Variants in MS4A13 observed in about 807,000 individuals in gnomAD.
MS4A13 encodes the protein membrane-spanning 4-domains subfamily A member 13.
Under a neutral mutation model 18.4 loss-of-function variants are expected in MS4A13, and 21 were observed. The ratio of observed to expected loss-of-function variants is 1.14; its 90% CI spans 0.81 to 1.64. The LOEUF (loss-of-function observed/expected upper bound fraction) is 1.64, where lower values mean the gene tolerates loss of function less well. MS4A13 is among the 40% of genes most tolerant of loss of function. The probability of loss-of-function intolerance (pLI) is 0.00; values close to 1 mark genes in which losing one functional copy is unlikely to be tolerated. For missense variants in MS4A13, 173 were observed against 176.8 expected (o/e 0.98, Z 0.12); for synonymous variants, 62 against 57.2 (o/e 1.08, Z -0.38).
chr11:60,520,264 G>T (rs2086664936), intron 3 of MS4A13, among the ~76,000 whole-genome samples: 1 of 151,990 alleles, frequency 6.6e-6, no homozygotes, highest in Admixed American at 6.5e-5. Flanking sequence ...TCTGCCCCTG[G>T]CCCCTCCTAA....
At chr11:60,532,410 C>T (rs537322601) in intron 6 of MS4A13, among the ~76,000 whole-genome samples, 101 of 152,158 alleles carry the variant, frequency 6.6e-4, no homozygotes, top group Non-Finnish European at 1.2e-3. Flanking sequence ...AAAGGGGTGA[C>T]GGACGCACCT....
chr11:60,529,945 T>G (rs2086752321), intron 6 of MS4A13, among the ~76,000 whole-genome samples: 1 of 152,226 alleles, frequency 6.6e-6, no homozygotes, highest in Non-Finnish European at 1.5e-5. Flanking sequence ...TTTTTCTAAA[T>G]TATAAACAAT....
chr11:60,541,007 A>G (rs2086853541), intron 6 of MS4A13, among the ~76,000 whole-genome samples: 2 of 152,196 alleles, frequency 1.3e-5, no homozygotes, highest in Non-Finnish European at 2.9e-5. Context: ...CGTGTATAAA[A>G]CAAATAATAA....
At chr11:60,524,018 A>G (rs1455859745) in intron 4 of MS4A13, 65 bp downstream of exon 4, 2 of 989,340 alleles carry the variant, frequency 2.0e-6, no homozygotes, top group African/African-American at 1.6e-5. Flanking sequence ...TTAAGTTTTA[A>G]TGAAAATATA....
At chr11:60,523,486 A>C (rs769544951) in intron 3 of MS4A13, among the ~76,000 whole-genome samples, 3 of 152,216 alleles carry the variant, frequency 2.0e-5, no homozygotes, top group Non-Finnish European at 4.4e-5. Flanking sequence ...TAGATTCTTG[A>C]ACCACTTTTT....
At chr11:60,518,022 T>A in intron 2 of MS4A13, 50 bp from the exon 3 acceptor site, 9 of 1,399,222 alleles carry the variant, frequency 6.4e-6, no homozygotes, top group Non-Finnish European at 8.8e-6. Flanking sequence ...TTATTGGAAT[T>A]GTGTTTTAAA....
chr11:60,543,134 C>T (rs1351695780), downstream of MS4A13, among the ~76,000 whole-genome samples: 5 of 152,118 alleles, frequency 3.3e-5, no homozygotes, highest in Non-Finnish European at 5.9e-5. Flanking sequence ...TTTCTTTCCC[C>T]TTGCTTCTTT....
At chr11:60,530,794 C>T (rs2086760036) in intron 6 of MS4A13, among the ~76,000 whole-genome samples, 1 of 152,142 alleles carries the variant, frequency 6.6e-6, no homozygotes, top group African/African-American at 2.4e-5. Flanking sequence ...ATCATGGGGG[C>T]AGTTTTCCCC....
intron 6 of MS4A13, among the ~76,000 whole-genome samples, chr11:60,532,206 T>G: frequency 6.6e-6 from 1 of 152,158 alleles, no homozygotes; most frequent in Non-Finnish European, 1.5e-5. Flanking sequence ...GGTCTACAGC[T>G]CCCAGCATGA....
chr11:60,521,110 G>A (rs1384472590), intron 3 of MS4A13, among the ~76,000 whole-genome samples: 2 of 152,240 alleles, frequency 1.3e-5, no homozygotes, highest in Non-Finnish European at 2.9e-5. Context: ...GGGATTCAGG[G>A]CACCAAGTCC....
intron 6 of MS4A13, among the ~76,000 whole-genome samples, chr11:60,535,430 T>C (rs2086800906): frequency 7.5e-6 from 1 of 133,668 alleles, no homozygotes; most frequent in Non-Finnish European, 1.6e-5. Context: ...CTAGAAGAAA[T>C]GGATACATTC....
intron 5 of MS4A13, among the ~76,000 whole-genome samples, chr11:60,525,651 C>T (rs2086708803): frequency 6.6e-6 from 1 of 152,112 alleles, no homozygotes. Flanking sequence ...GACAATAAAA[C>T]CATTTTGCAA....
At chr11:60,542,211 G>T (rs1052426757) in intron 6 of MS4A13, among the ~76,000 whole-genome samples, 7 of 106,734 alleles carry the variant, frequency 6.6e-5, no homozygotes, top group Non-Finnish European at 1.3e-4. Flanking sequence ...AGGAAGGGAG[G>T]AAGGAAAGAA....
At chr11:60,517,020 A>C (rs80145388) in intron 2 of MS4A13, among the ~76,000 whole-genome samples, 3 of 151,350 alleles carry the variant, frequency 2.0e-5, no homozygotes, top group East Asian at 3.9e-4. Context: ...AAAAAAAAAA[A>C]CTCCAGGCCC....
intron 2 of MS4A13, 22 bp from the exon 3 acceptor site, chr11:60,518,050 T>C: frequency 6.5e-7 from 1 of 1,537,636 alleles, no homozygotes; most frequent in Non-Finnish European, 8.9e-7. Context: ...ATTTCGGTAC[T>C]AACATAATTC....
chr11:60,523,058 C>T (rs2086688336), intron 3 of MS4A13, among the ~76,000 whole-genome samples: 1 of 152,182 alleles, frequency 6.6e-6, no homozygotes, highest in South Asian at 2.1e-4. Context: ...AAGATATTTT[C>T]ACTTTAAATT....
chr11:60,529,427 A>G lies in MS4A13; in HGVS notation c.369A>G (p.Ala123=), dbSNP rs1410918216. The change falls in exon 6 of 7, where the codon GCA becomes GCG. Residue 123 remains alanine (A), a synonymous_variant. Transcript: ENST00000378186. ...LFFYGLEFSI[A]LTHSIYSCSN... is the part of the protein sequence containing the mutation. Reference sequence around the variant, plus strand: ...TCTACGGTTTGGAATTTTCTATTGCACTTACACACTCAATATACAGCTGTT... The same window carrying G: ...TCTACGGTTTGGAATTTTCTATTGCGCTTACACACTCAATATACAGCTGTT... 3.1e-6 allele frequency: 5 copies of G among 1,609,004 alleles called. No homozygotes were observed. Among genetic ancestry groups the G allele is most frequent in the Non-Finnish European group, 4.2e-6 (5 of 1,177,500 alleles).
chr11:60,524,634 A>G (rs2086700117), intron 4 of MS4A13, among the ~76,000 whole-genome samples: 1 of 151,114 alleles, frequency 6.6e-6, no homozygotes, highest in African/African-American at 2.4e-5. Flanking sequence ...TTTCTTCCAA[A>G]TGACCTATAA....
At chr11:60,528,766 A>G (rs2086738935) in intron 5 of MS4A13, among the ~76,000 whole-genome samples, 1 of 152,224 alleles carries the variant, frequency 6.6e-6, no homozygotes, top group Non-Finnish European at 1.5e-5. Context: ...TTTGTAGTTG[A>G]AAATATCTTT....
Sources: allele counts gnomAD v4.1 joint callset (sites outside exome capture counted in the v4.1 genomes callset), GRCh38; gene constraint gnomAD v4.1.1; transcripts MANE v1.5; gene names NCBI Gene and HGNC (gene_info 2026-07-23, HGNC 2026-07-21).